The following PIGQ variants were observed in gnomAD, a reference collection of about 807,000 sequenced individuals.
The protein encoded by PIGQ is phosphatidylinositol glycan anchor biosynthesis class Q.
In PIGQ, 54 loss-of-function variants were observed where a neutral mutation model predicts 60.3. The ratio of observed to expected loss-of-function variants is 0.90; its 90% CI spans 0.72 to 1.12. PIGQ has a LOEUF of 1.12. PIGQ is among the 50% of genes most tolerant of loss of function. The pLI is 0.00. For synonymous variants in PIGQ, 416 were observed against 363.7 expected (o/e 1.14, Z -1.64); for missense variants, 799 against 793.5 (o/e 1.01, Z -0.08).
Position 579,102 on chromosome 16 carries a change from A to G in PIGQ, c.1257A>G (p.Ser419=), listed in dbSNP as rs998650651. The G allele has an allele frequency of 4.3e-6, 7 of 1,612,612 alleles. No individual in the cohort carries two copies. Among genetic ancestry groups the G allele is most frequent in the African/African-American group, 2.7e-5 (2 of 74,842 alleles). The change falls in exon 7 of 11, where the codon TCA becomes TCG. Residue 419 remains serine (S), a synonymous_variant. Coordinates refer to ENST00000321878, the MANE Select transcript of PIGQ (RefSeq NM_004204.5). The stretch of plus-strand genomic sequence containing the variant: ...GCCTGAAGATCCATGGCCTGTCCTC[A>G]CTGTGGCGTCTGTTCCGGGGGAAGA... The part of the protein sequence containing the change: ...LYCLKIHGLS[S]LWRLFRGKKW...
At position 583,030 on chromosome 16, in the gene PIGQ, G is replaced by A. The variant is rs576801855; in HGVS notation, c.1741G>A (p.Asp581Asn). ...CTGGAGGCAGAGAGGGGACAAGCAGGACTGAGGGAACTGCTGGCTCGCCTG... is the reference window on the plus strand; with the variant it reads ...CTGGAGGCAGAGAGGGGACAAGCAGAACTGAGGGAACTGCTGGCTCGCCTG... ...YPWRQRGDKQD is the reference protein window; with the variant it reads ...YPWRQRGDKQN The change falls in exon 11 of 11, where the codon GAC (aspartate) becomes AAC (asparagine). Residue 581 changes from aspartate to asparagine, a missense_variant. Physicochemically the swap from Asp to Asn is conservative, Grantham distance 23. Coordinates refer to ENST00000321878, the MANE Select transcript of PIGQ (RefSeq NM_004204.5). The A allele has an allele frequency of 2.8e-5, 45 of 1,613,122 alleles. No homozygotes were observed. In the South Asian group the frequency reaches 4.7e-4, roughly 17 times the overall value.
chr16:581,432 G>A (rs1205637001), intron 9 of PIGQ: 7 of 927,294 alleles, frequency 7.5e-6, no homozygotes, highest in South Asian at 6.8e-5. Context: ...CCTGCTTGCC[G>A]GACACCTGGC....
rs1183758663 is a variant in PIGQ, at chr16:578,903, C to T, written c.1188C>T (p.Thr396=). 4.3e-6 allele frequency: 7 copies of T among 1,613,428 alleles called. No homozygotes were observed. Among genetic ancestry groups the T allele is most frequent in the Non-Finnish European group, 4.2e-6 (5 of 1,179,928 alleles). Residue 396 remains threonine, a synonymous_variant, in exon 6 of 11, where the codon ACC becomes ACT. Coordinates refer to ENST00000321878, the MANE Select transcript of PIGQ (RefSeq NM_004204.5). ...SLLSDIIALL[T]FHIYCFYVYG... ...TCTCGGACATTATCGCCCTCCTCAC[C>T]TTCCACATCTACTGCTTTTACGTCT...
rs368929328 is a variant in PIGQ at position 579,143 on chromosome 16, G to A, written c.1298G>A (p.Arg433His). Residue 433 changes from arginine (R) to histidine (H), a missense_variant, in exon 7 of 11, where the codon CGC becomes CAC. Transcript: ENST00000321878. ...CGGGGGAAGAAGTGGAACGTTCTGC[G>A]CCAGCGCGTGGACTCCTGTTCCTAT... Reference protein sequence around the residue: ...LFRGKKWNVLRQRVDSCSYDL... With the variant: ...LFRGKKWNVLHQRVDSCSYDL... 1.2e-6 allele frequency: 2 copies of A among 1,612,954 alleles called. No homozygotes were observed. The highest frequency in any genetic ancestry group is 1.7e-6 in the Non-Finnish European group (2 of 1,179,784).
intron 10 of PIGQ, chr16:582,672 G>A (rs371036013): frequency 6.0e-5 from 38 of 631,978 alleles, no homozygotes; most frequent in East Asian, 5.1e-4. Context: ...GGGCAGCCCC[G>A]AGGGGAGATG....
At chr16:578,965 C>G (rs199939315) in intron 6 of PIGQ, 27 bp downstream of exon 6, 3 of 1,603,236 alleles carry the variant, frequency 1.9e-6, no homozygotes, top group Admixed American at 3.3e-5. Context: ...CCCTCCCCAC[C>G]GCCCCCTGGG....
At chr16:578,981 C>T in intron 6 of PIGQ, 43 bp downstream of exon 6, 2 of 1,292,088 alleles carry the variant, frequency 1.5e-6, no homozygotes, top group Non-Finnish European at 2.0e-6. Context: ...CTGGGAGGTG[C>T]AGAGGCTCCG....
intron 10 of PIGQ, 193 bp from the exon 11 acceptor site, chr16:582,690 T>C: frequency 1.5e-6 from 1 of 673,708 alleles, no homozygotes; most frequent in African/African-American, 1.8e-5. Context: ...ATGCAGCTTC[T>C]GCCTCCCCCC....
intron 2 of PIGQ, among the ~76,000 whole-genome samples, chr16:575,120 G>A (rs1020864862): frequency 6.6e-6 from 1 of 152,206 alleles, no homozygotes; most frequent in Non-Finnish European, 1.5e-5. Context: ...ACACAGGCCC[G>A]CTGGCCTCCC....
chr16:578,249 C>T lies in PIGQ; in HGVS notation c.943-130C>T, dbSNP rs544929711. ...TGAAGGGGAGCCCGTGTGCTGTCCA[C>T]GCTAGGACGCGGTAGACCCTGGAGG... On this transcript the variant is annotated intron_variant, in intron 4 of 10. Transcript: ENST00000321878. 5.2e-5 allele frequency: 48 copies of T among 929,736 alleles called. No individual in the cohort carries two copies. In the South Asian group the frequency reaches 6.6e-4, roughly 13 times the overall value. The allele number at this position is 929,736 out of a possible 1,614,324, so 57.6% of individuals were successfully genotyped here.
rs538090273 is a variant in PIGQ, at chr16:577,391, C to T, written c.943-988C>T. Among the ~76,000 whole-genome samples, 40 of 151,648 alleles carry T rather than the reference C, an allele frequency of 2.6e-4. No homozygotes were observed. The East Asian group carries it at 3.7e-3, about 14-fold the overall frequency. On this transcript the variant is annotated intron_variant, in intron 4 of 10. Transcript: ENST00000321878. ...AGGAGATCGAGACCATCCTGGCTAA[C>T]ACAGTGAAATCCCGTCTCTACTAAA...
chr16:578,641 C>A, intron 5 of PIGQ, 136 bp downstream of exon 5: 1 of 1,404,720 alleles, frequency 7.1e-7, no homozygotes, highest in Non-Finnish European at 9.8e-7. Flanking sequence ...CTGTGCTCAG[C>A]TGAGGGCTGG....
In PIGQ at chr16:582,154, G is replaced by C. The variant is rs2035821804; in HGVS notation, c.1532-94G>C. On this transcript the variant is annotated intron_variant, in intron 9 of 10. Transcript: ENST00000321878. Reference sequence around the variant, plus strand: ...GGGTGGCCACGGCCAGCAGCACCCGGGTGCCCCTCAGAGAGGAAGGTACCT... The same window carrying C: ...GGGTGGCCACGGCCAGCAGCACCCGCGTGCCCCTCAGAGAGGAAGGTACCT... The C allele has an allele frequency of 5.5e-6, 5 of 906,866 alleles. No individual in the cohort carries two copies. In the South Asian group the frequency reaches 7.1e-5, roughly 13 times the overall value. 56.2% of individuals were successfully genotyped at this position (906,866 alleles called of 1,614,324 possible).
In PIGQ at chr16:574,326, G is replaced by C. The variant is rs1447488530; in HGVS notation, c.252G>C (p.Leu84=). 6.2e-7 allele frequency: 1 copy of C among 1,607,872 alleles called. No homozygotes were observed. Among genetic ancestry groups the C allele is most frequent in the African/African-American group, 1.3e-5 (1 of 74,918 alleles). ...GCCTGGGCCGCTTCCTGGAGAGCCT[G>C]GGTGCTGTCTTCCCCCATGAGCCCT... ...EESLGRFLES[L]GAVFPHEPWL... is the part of the protein sequence containing the mutation. Residue 84 remains leucine (L), a synonymous_variant, in exon 2 of 11, where the codon CTG becomes CTC. Transcript: ENST00000321878.
Position 574,006 on chromosome 16 carries a change from G to A in PIGQ, c.-9-60G>A, listed in dbSNP as rs190975283. ...TGTCAGGCCGTCTGTGCAACATCCC[G>A]CAGCCCACGGTGGGGGGGCAGCAGC... On this transcript the variant is annotated intron_variant, in intron 1 of 10. Coordinates refer to ENST00000321878, the MANE Select transcript of PIGQ (RefSeq NM_004204.5). 762 of 1,257,484 alleles carry A rather than the reference G, an allele frequency of 6.1e-4. 4 individuals carry two copies. In the African/African-American group the frequency reaches 0.01, roughly 17 times the overall value. 77.9% of individuals were successfully genotyped at this position (1,257,484 alleles called of 1,614,324 possible). A position where few individuals can be genotyped will look rare whatever the true frequency, so the allele number is the denominator to read the frequency against.
intron 7 of PIGQ, 88 bp downstream of exon 7, chr16:579,268 G>C: frequency 9.7e-7 from 1 of 1,035,244 alleles, no homozygotes; most frequent in Non-Finnish European, 1.5e-6. Flanking sequence ...CCACAAGGGG[G>C]CAGCCTGCTC....
In PIGQ at chr16:578,362, C is replaced by G; in HGVS notation, c.943-17C>G. 1 of 1,603,380 alleles carries G rather than the reference C, an allele frequency of 6.2e-7. No individual in the cohort carries two copies. The highest frequency in any genetic ancestry group is 1.1e-5 in the South Asian group (1 of 90,544). On this transcript the variant is annotated splice_polypyrimidine_tract_variant and intron_variant, in intron 4 of 10. Coordinates refer to ENST00000321878, the MANE Select transcript of PIGQ (RefSeq NM_004204.5). ...CCTGGCTGCCCCCGCCCCAGCGTGG[C>G]CCCTGTGTCCCTGCAGCACGTGGCC...
At chr16:581,421 C>T (rs1053553034) in intron 9 of PIGQ, 29 of 979,932 alleles carry the variant, frequency 3.0e-5, no homozygotes, top group Non-Finnish European at 6.3e-6. Context: ...TGGGGCTCTT[C>T]CCTGCTTGCC....
At chr16:572,591 C>T in intron 1 of PIGQ, 1 of 452,724 alleles carries the variant, frequency 2.2e-6, no homozygotes, top group Non-Finnish European at 4.4e-6. Context: ...CTGAGACCTC[C>T]AGGCATCCTG....
Sources: gnomAD v4.1 joint callset for allele counts (sites outside exome capture counted in the v4.1 genomes callset) on GRCh38, gnomAD v4.1.1 for gene constraint, MANE v1.5 for transcripts, NCBI Gene and HGNC (gene_info 2026-07-23, HGNC 2026-07-21) for gene names.